Variants in ROBO1 observed in about 807,000 individuals in gnomAD.
ROBO1 encodes the protein roundabout guidance receptor 1.
ROBO1 carries 149 observed loss-of-function variants against 195.9 expected under a neutral mutation model. The observed-to-expected ratio is 0.76, with a 90% CI of 0.67 to 0.87. ROBO1 has a LOEUF of 0.87. Among genes scored for constraint, ROBO1 ranks in the 40% least tolerant of loss-of-function variants. The probability of loss-of-function intolerance (pLI) is 0.00; values close to 1 mark genes in which losing one functional copy is unlikely to be tolerated. For synonymous variants in ROBO1, 816 were observed against 733.2 expected (o/e 1.11, Z -1.82); for missense variants, 1,933 against 2,068.3 (o/e 0.93, Z 1.27).
chr3:79,126,270 A>G (rs1316553912), intron 2 of ROBO1, among the ~76,000 whole-genome samples: 2 of 152,212 alleles, frequency 1.3e-5, no homozygotes, highest in African/African-American at 4.8e-5. Flanking sequence ...AATTCCGTAT[A>G]AGTATTTTCA....
At chr3:78,948,184 T>A (rs1309692159) in intron 3 of ROBO1, among the ~76,000 whole-genome samples, 10 of 152,194 alleles carry the variant, frequency 6.6e-5, no homozygotes, top group African/African-American at 2.4e-4. Context: ...GAGGCCAGCA[T>A]CATCCTGATA....
intron 2 of ROBO1, among the ~76,000 whole-genome samples, chr3:79,303,112 G>A (rs2033043835): frequency 6.7e-6 from 1 of 150,142 alleles, no homozygotes; most frequent in Non-Finnish European, 1.5e-5. Flanking sequence ...TATCTACATT[G>A]CGGACTGACT....
intron 2 of ROBO1, among the ~76,000 whole-genome samples, chr3:79,398,282 G>A (rs949945198): frequency 6.6e-6 from 1 of 151,936 alleles, no homozygotes; most frequent in Admixed American, 6.6e-5. Context: ...ATACTAATAT[G>A]TTCACTGAAA....
chr3:79,262,394 T>TAC (rs1255037527), intron 2 of ROBO1, among the ~76,000 whole-genome samples: 2 of 152,208 alleles, frequency 1.3e-5, no homozygotes, highest in East Asian at 3.9e-4. Context: ...GCTAGAATCT[T>TAC]ACCTCATCAG....
chr3:79,416,292 AAAG>A (rs1390740567), intron 2 of ROBO1, among the ~76,000 whole-genome samples: 1 of 151,918 alleles, frequency 6.6e-6, no homozygotes, highest in East Asian at 1.9e-4. Context: ...GTGGAGATAG[AAAG>A]AAGTATAGAT....
At chr3:78,886,639 G>C (rs2036588399) in intron 4 of ROBO1, among the ~76,000 whole-genome samples, 1 of 151,940 alleles carries the variant, frequency 6.6e-6, no homozygotes, top group Non-Finnish European at 1.5e-5. Flanking sequence ...TATGTTACCA[G>C]AGTAAAGAAA....
intron 3 of ROBO1, among the ~76,000 whole-genome samples, chr3:79,102,995 G>T (rs2108513874): frequency 6.6e-6 from 1 of 151,784 alleles, no homozygotes. Flanking sequence ...AAACTGAAAA[G>T]GAAACAATCG....
chr3:78,689,537 A>T (rs1485518817), intron 8 of ROBO1, among the ~76,000 whole-genome samples: 4 of 151,842 alleles, frequency 2.6e-5, no homozygotes, highest in Non-Finnish European at 5.9e-5. Context: ...AAAAAAAAAA[A>T]GGTATTTGTT....
In ROBO1 at chr3:79,524,034, A is replaced by G. The variant is rs189197547; in HGVS notation, c.88+65790T>C. Among the ~76,000 whole-genome samples the G allele has an allele frequency of 5.3e-5, 8 of 152,236 alleles. No homozygotes were observed. The East Asian group carries it at 1.5e-3, about 29-fold the overall frequency. ...CTCATGAACGGCATCAACTACTTGC[A>G]TGAAAAAACATTTTGATGTTATGAA... On this transcript the variant is annotated intron_variant, in intron 2 of 30. Coordinates refer to ENST00000464233, the MANE Select transcript of ROBO1 (RefSeq NM_002941.4).
At chr3:78,807,827 G>T (rs2084595299) in intron 4 of ROBO1, among the ~76,000 whole-genome samples, 2 of 152,148 alleles carry the variant, frequency 1.3e-5, no homozygotes, top group South Asian at 4.1e-4. Context: ...AATGAAGAGA[G>T]GGAAAAGCAT....
chr3:78,931,441 T>A (rs1018286870), intron 4 of ROBO1, among the ~76,000 whole-genome samples: 2 of 151,820 alleles, frequency 1.3e-5, no homozygotes, highest in African/African-American at 4.8e-5. Context: ...AGACGGAGTT[T>A]CTCCATGATG....
At chr3:79,242,845 A>G (rs534777787) in intron 2 of ROBO1, among the ~76,000 whole-genome samples, 2 of 152,038 alleles carry the variant, frequency 1.3e-5, no homozygotes, top group South Asian at 4.1e-4. Flanking sequence ...TTCTTTTTTC[A>G]TTATACTTTA....
chr3:79,143,324 T>A (rs1162416850), intron 2 of ROBO1, among the ~76,000 whole-genome samples: 1 of 152,036 alleles, frequency 6.6e-6, no homozygotes, highest in Admixed American at 6.6e-5. Context: ...TATGATTCTG[T>A]AGCTTCTAGG....
intron 4 of ROBO1, among the ~76,000 whole-genome samples, chr3:78,895,058 A>G (rs1460994959): frequency 6.6e-6 from 1 of 152,204 alleles, no homozygotes; most frequent in East Asian, 1.9e-4. Flanking sequence ...GTGATTTATT[A>G]CAGAGCCCAA....
At chr3:78,878,143 T>C (rs764724134) in intron 4 of ROBO1, among the ~76,000 whole-genome samples, 2 of 152,182 alleles carry the variant, frequency 1.3e-5, no homozygotes, top group South Asian at 4.1e-4. Flanking sequence ...AACCCAACAA[T>C]ACTCTAATGC....
At chr3:78,648,154 A>T (rs1444864232) in intron 19 of ROBO1, among the ~76,000 whole-genome samples, 1 of 152,020 alleles carries the variant, frequency 6.6e-6, no homozygotes, top group Non-Finnish European at 1.5e-5. Flanking sequence ...AAAGGCAAGG[A>T]AAGGGGAAGA....
chr3:79,371,840 A>G (rs1188146476), intron 2 of ROBO1, among the ~76,000 whole-genome samples: 1 of 152,152 alleles, frequency 6.6e-6, no homozygotes, highest in African/African-American at 2.4e-5. Flanking sequence ...TGATAGGATT[A>G]ATGTTCTAGT....
chr3:79,490,694 G>A (rs543070667), intron 2 of ROBO1, among the ~76,000 whole-genome samples: 1 of 152,300 alleles, frequency 6.6e-6, no homozygotes, highest in South Asian at 2.1e-4. Context: ...CTGACTTGGT[G>A]CACAGCCAAT....
chr3:78,961,953 T>A (rs1291676531), intron 3 of ROBO1, among the ~76,000 whole-genome samples: 2 of 151,862 alleles, frequency 1.3e-5, no homozygotes, highest in Non-Finnish European at 2.9e-5. Flanking sequence ...TTTTTTTTTT[T>A]ACCTCTCTAC....
Sources: allele counts gnomAD v4.1 joint callset (sites outside exome capture counted in the v4.1 genomes callset), GRCh38; gene constraint gnomAD v4.1.1; transcripts MANE v1.5; gene names NCBI Gene and HGNC (gene_info 2026-07-23, HGNC 2026-07-21).